Variants in SYT14 observed in about 807,000 individuals in gnomAD.
The protein encoded by SYT14 is synaptotagmin 14, also known as synaptotagmin-14.
A neutral mutation model predicts 74.2 loss-of-function variants in SYT14; 32 were observed. That is an observed-to-expected ratio of 0.43 (90% CI 0.33 to 0.58). The LOEUF (loss-of-function observed/expected upper bound fraction) is 0.58. SYT14 is among the 20% of genes least tolerant of loss of function. The pLI, the probability that SYT14 is intolerant of heterozygous loss-of-function variation, is 0.05. For synonymous variants in SYT14, 298 were observed against 337.7 expected, an observed-to-expected ratio of 0.88 and a Z score of 1.29; for missense variants, 791 against 981.8, an observed-to-expected ratio of 0.81 and a Z score of 2.60.
chr1:210,106,960 C>T (rs1029990473), intron 7 of SYT14, among the ~76,000 whole-genome samples: 9 of 152,222 alleles, frequency 5.9e-5, no homozygotes, highest in African/African-American at 2.2e-4. Context: ...AAGTTAGTTA[C>T]TTCTTAGATG....
intron 2 of SYT14, among the ~76,000 whole-genome samples, chr1:209,971,647 C>G (rs2079258897): frequency 6.6e-6 from 1 of 152,006 alleles, no homozygotes; most frequent in African/African-American, 2.4e-5. Context: ...GATGATCATG[C>G]AGTTTTTGTT....
At chr1:210,164,277 G>A in exon 10 of SYT14, 3 of 224,524 alleles carry the variant, frequency 1.3e-5, no homozygotes, top group East Asian at 1.1e-4. Flanking sequence ...TAATAAATTG[G>A]ACCACAATTA....
At chr1:210,029,447 G>A (rs536154055) in intron 5 of SYT14, among the ~76,000 whole-genome samples, 43 of 152,076 alleles carry the variant, frequency 2.8e-4, no homozygotes, top group East Asian at 9.7e-4. Flanking sequence ...TTTTATATAC[G>A]ATATTCGGCA....
At chr1:209,943,896 A>C (rs1425598761) in intron 1 of SYT14, among the ~76,000 whole-genome samples, 1 of 152,206 alleles carries the variant, frequency 6.6e-6, no homozygotes, top group Non-Finnish European at 1.5e-5. Context: ...TAATAGCTAA[A>C]TTGGAACCTA....
intron 2 of SYT14, among the ~76,000 whole-genome samples, chr1:209,961,935 C>G (rs2079081591): frequency 6.6e-6 from 1 of 152,088 alleles, no homozygotes; most frequent in Non-Finnish European, 1.5e-5. Flanking sequence ...AACGAAGTGG[C>G]TCCTAGTATG....
At chr1:210,087,541 A>G (rs2081761559) in intron 5 of SYT14, among the ~76,000 whole-genome samples, 1 of 152,090 alleles carries the variant, frequency 6.6e-6, no homozygotes, top group Non-Finnish European at 1.5e-5. Context: ...TATCCTGCCA[A>G]GGCTCTGACT....
chr1:210,045,752 A>G (rs1021808746), intron 5 of SYT14, among the ~76,000 whole-genome samples: 2 of 152,172 alleles, frequency 1.3e-5, no homozygotes, highest in Non-Finnish European at 2.9e-5. Flanking sequence ...AAATGAGTAA[A>G]ATCATGTTAA....
chr1:210,001,417 T>A (rs1446057437), intron 2 of SYT14, among the ~76,000 whole-genome samples: 1 of 152,296 alleles, frequency 6.6e-6, no homozygotes, highest in South Asian at 2.1e-4. Context: ...TCTAACTCTG[T>A]CTTGATGTAT....
chr1:209,970,296 C>T (rs1211737662), intron 2 of SYT14, among the ~76,000 whole-genome samples: 1 of 151,950 alleles, frequency 6.6e-6, no homozygotes, highest in Non-Finnish European at 1.5e-5. Context: ...CCAGTTTTTC[C>T]AGCTCCATTT....
chr1:210,062,477 C>T (rs2081223584), intron 5 of SYT14, among the ~76,000 whole-genome samples: 1 of 151,686 alleles, frequency 6.6e-6, no homozygotes, highest in South Asian at 2.1e-4. Flanking sequence ...TAAGGATTAC[C>T]TTTCACAGAT....
chr1:210,077,763 C>G (rs2081532611), intron 5 of SYT14, among the ~76,000 whole-genome samples: 1 of 152,034 alleles, frequency 6.6e-6, no homozygotes, highest in South Asian at 2.1e-4. Flanking sequence ...TGTCTATATT[C>G]TTATCATAGA....
At chr1:209,969,578 C>T (rs1420196600) in intron 2 of SYT14, among the ~76,000 whole-genome samples, 1 of 149,574 alleles carries the variant, frequency 6.7e-6, no homozygotes, top group Non-Finnish European at 1.5e-5. Flanking sequence ...ACCTCTGCCT[C>T]CTGGGTTCAA....
intron 9 of SYT14, among the ~76,000 whole-genome samples, chr1:210,160,223 A>G (rs2083345753): frequency 6.6e-6 from 1 of 152,084 alleles, no homozygotes; most frequent in Non-Finnish European, 1.5e-5. Flanking sequence ...TTTTGATGTC[A>G]TCTTTGCATT....
intron 7 of SYT14, among the ~76,000 whole-genome samples, chr1:210,143,259 C>T (rs1425146684): frequency 6.6e-6 from 1 of 152,014 alleles, no homozygotes. Context: ...AAAACAAGTG[C>T]CATTCTAATG....
chr1:210,146,983 T>A (rs1013304439), intron 7 of SYT14, among the ~76,000 whole-genome samples: 2 of 151,844 alleles, frequency 1.3e-5, no homozygotes, highest in African/African-American at 4.8e-5. Flanking sequence ...CAGAAAAAAA[T>A]AATTTCCATT....
chr1:210,119,114 T>C (rs544813114), intron 7 of SYT14, among the ~76,000 whole-genome samples: 193 of 152,328 alleles, frequency 1.3e-3, no homozygotes, highest in Middle Eastern at 6.8e-3. Flanking sequence ...ATATATTTTA[T>C]CAGCAAACTA....
At chr1:210,169,856 C>T (rs1307674843) in exon 10 of SYT14, 1 of 152,078 alleles carries the variant, frequency 6.6e-6, no homozygotes, top group African/African-American at 2.4e-5. Flanking sequence ...TTTTATTTCT[C>T]AAAATAATGA....
intron 5 of SYT14, among the ~76,000 whole-genome samples, chr1:210,026,701 A>G (rs1178396837): frequency 6.6e-6 from 1 of 150,620 alleles, no homozygotes; most frequent in Non-Finnish European, 1.5e-5. Flanking sequence ...TCATTCTATT[A>G]ATTTTGTTAT....
chr1:210,020,950 A>C, intron 4 of SYT14, 89 bp from the exon 4 acceptor site: 1 of 1,083,584 alleles, frequency 9.2e-7, no homozygotes, highest in Middle Eastern at 2.1e-4. Flanking sequence ...ATTGTGTAAA[A>C]ATTATCATTT....
Sources: allele counts gnomAD v4.1 joint callset (sites outside exome capture counted in the v4.1 genomes callset), GRCh38; gene constraint gnomAD v4.1.1; transcripts MANE v1.5; gene names NCBI Gene and HGNC (gene_info 2026-07-23, HGNC 2026-07-21).